EPHA8: variants seen among roughly 807,000 people sequenced by gnomAD.
EPHA8 encodes EPH receptor A8, also known as ephrin type-A receptor 8.
Under a neutral mutation model 103.6 loss-of-function variants are expected in EPHA8, and 58 were observed. The observed-to-expected ratio is 0.56, with a 90% CI of 0.45 to 0.70. EPHA8 has a LOEUF of 0.70. Among genes scored for constraint, EPHA8 ranks in the 30% least tolerant of loss-of-function variants. The pLI is 0.00. For synonymous variants in EPHA8, 559 were observed against 572.5 expected, an observed-to-expected ratio of 0.98 and a Z score of 0.34; for missense variants, 1,304 against 1,395.2, an observed-to-expected ratio of 0.93 and a Z score of 1.04.
chr1:22,601,520 G>A (rs748811403), intron 16 of EPHA8, 47 bp downstream of exon 16: 4 of 1,604,084 alleles, frequency 2.5e-6, no homozygotes, highest in South Asian at 1.1e-5. Context: ...GGGGCAGGGG[G>A]GGGGACCCCT....
At chr1:22,600,851 T>C in intron 14 of EPHA8, 41 bp downstream of exon 14, 3 of 1,588,924 alleles carry the variant, frequency 1.9e-6, no homozygotes, top group East Asian at 2.2e-5. Context: ...CGGTGGAGCC[T>C]CAGGGTGCAG....
chr1:22,579,209 A>ATG (rs56364320), intron 3 of EPHA8, among the ~76,000 whole-genome samples: 12,528 of 146,928 alleles, frequency 0.085, 543 homozygotes, highest in South Asian at 0.19. Context: ...ACCTGTGTGC[A>ATG]TGTGTGTGTA....
Position 22,597,174 on chromosome 1 carries a change from T to C in EPHA8, c.1766-138T>C. 1 of 637,210 alleles carries C rather than the reference T, an allele frequency of 1.6e-6. No individual in the cohort carries two copies. Among genetic ancestry groups the C allele is most frequent in the Non-Finnish European group, 2.5e-6 (1 of 393,276 alleles). 39.5% of individuals were successfully genotyped at this position (637,210 alleles called of 1,614,324 possible). ...TTTCACTTGGGAAATACTTATGGGG[T>C]GCGTGTTGTTTGCTACCACATCCAG... On this transcript the variant is annotated intron_variant, in intron 9 of 16. Transcript: ENST00000166244. The surrounding 1 kb of genome is among the most constrained non-coding windows in gnomAD (Gnocchi z 4.6).
intron 1 of EPHA8, among the ~76,000 whole-genome samples, chr1:22,566,992 C>T (rs1402285775): frequency 1.3e-5 from 2 of 152,126 alleles, no homozygotes; most frequent in Admixed American, 1.3e-4. Flanking sequence ...TGACTTTTGA[C>T]TTATCTTTGG....
At chr1:22,585,027 C>CTGTGTGTGTGTGTGTGTGTGTGTGTGTG (rs772415643) in intron 3 of EPHA8, among the ~76,000 whole-genome samples, 2 of 147,576 alleles carry the variant, frequency 1.4e-5, no homozygotes, top group Admixed American at 1.4e-4. Context: ...GGTCGTTTCT[C>CTGTGTGTGTGTGTGTGTGTGTGTGTGTG]TGTGTGTGTG....
intron 4 of EPHA8, among the ~76,000 whole-genome samples, chr1:22,588,266 A>G (rs620809): frequency 0.44 from 65,655 of 150,428 alleles, 15,646 homozygotes; most frequent in African/African-American, 0.65. Context: ...AGCCCCTCAG[A>G]CCCCCAGCCC....
intron 4 of EPHA8, among the ~76,000 whole-genome samples, chr1:22,587,993 G>A (rs532437303): frequency 3.3e-5 from 5 of 152,316 alleles, no homozygotes; most frequent in Non-Finnish European, 7.3e-5. Flanking sequence ...AAGCTGGCTG[G>A]ACTCTGGTTT....
chr1:22,582,844 C>T (rs1023500241), intron 3 of EPHA8, among the ~76,000 whole-genome samples: 6 of 152,240 alleles, frequency 3.9e-5, no homozygotes, highest in African/African-American at 1.2e-4. Flanking sequence ...GCTGTCCTTC[C>T]TGTCACCTGG....
In EPHA8 at chr1:22,593,689, G is replaced by A. The variant is rs1641439554; in HGVS notation, c.1603+3G>A. 6.3e-7 allele frequency: 1 copy of A among 1,584,228 alleles called. No individual in the cohort carries two copies. The highest frequency in any genetic ancestry group is 2.3e-5 in the East Asian group (1 of 43,728). On this transcript the variant is annotated splice_donor_region_variant and intron_variant, in intron 7 of 16. Coordinates refer to ENST00000166244, the MANE Select transcript of EPHA8 (RefSeq NM_020526.5). ...GGAGGTGGAGACCGGGAAACCCCGT[G>A]AGTGCAGGGAGGGGGCGTGGGCGCG...
Position 22,569,329 on chromosome 1 carries a change from C to A in EPHA8, c.135C>A (p.Gly45=), listed in dbSNP as rs201214107. ...LDTSTIHGDW[G]WLTYPAHGWD... ...CGTCGACCATCCACGGGGACTGGGG[C>A]TGGCTCACGTATCCGGCTCATGGGG... The change falls in exon 2 of 17, where the codon GGC becomes GGA. Residue 45 remains glycine (G), a synonymous_variant. Coordinates refer to ENST00000166244, the MANE Select transcript of EPHA8 (RefSeq NM_020526.5). The surrounding 1 kb of genome is among the most constrained non-coding windows in gnomAD (Gnocchi z 4.5). 4.4e-6 allele frequency: 7 copies of A among 1,605,556 alleles called. No homozygotes were observed. In the East Asian group the frequency reaches 6.7e-5, roughly 15 times the overall value.
intron 3 of EPHA8, among the ~76,000 whole-genome samples, chr1:22,580,278 A>G (rs1367122516): frequency 1.3e-5 from 2 of 151,580 alleles, no homozygotes; most frequent in Admixed American, 6.6e-5. Context: ...AGCTAGAATT[A>G]CAGGTGCCCG....
intron 3 of EPHA8, among the ~76,000 whole-genome samples, chr1:22,579,867 C>G (rs1366904859): frequency 1.3e-5 from 2 of 152,200 alleles, no homozygotes; most frequent in African/African-American, 2.4e-5. Flanking sequence ...TGCTACTATA[C>G]AGGCCCTGGG....
intron 5 of EPHA8, among the ~76,000 whole-genome samples, chr1:22,593,098 C>T (rs1557575778): frequency 6.6e-6 from 1 of 152,218 alleles, no homozygotes; most frequent in Admixed American, 6.5e-5. Context: ...CCAACCCCAA[C>T]ATCCCAGACC....
chr1:22,571,923 G>A (rs746037309), intron 2 of EPHA8, among the ~76,000 whole-genome samples: 3 of 152,158 alleles, frequency 2.0e-5, no homozygotes, highest in Admixed American at 1.3e-4. Flanking sequence ...TGTGGTCCCC[G>A]CTACTCAGGA....
At position 22,567,528 on chromosome 1, in the gene EPHA8, C is replaced by T. The variant is rs1463803600; in HGVS notation, c.95-1761C>T. Among the ~76,000 whole-genome samples the T allele has an allele frequency of 6.6e-6, 1 of 151,994 alleles. No homozygotes were observed. The highest frequency in any genetic ancestry group is 1.5e-5 in the Non-Finnish European group (1 of 67,978). On this transcript the variant is annotated intron_variant, in intron 1 of 16. Coordinates refer to ENST00000166244, the MANE Select transcript of EPHA8 (RefSeq NM_020526.5). This position sits in a 1 kb window ranked among gnomAD's most constrained non-coding sequence, Gnocchi z 4.2. ...CCTGATCCCAAGTGGCCCCTGGGGA[C>T]CCAGGGAGGAATGCAGGGAGGAGCG... is the stretch of plus-strand genomic sequence containing the variant.
Position 22,598,268 on chromosome 1 carries a change from G to T in EPHA8, c.2178+56G>T. On this transcript the variant is annotated intron_variant, in intron 12 of 16. Transcript: ENST00000166244. The surrounding 1 kb of genome is among the most constrained non-coding windows in gnomAD (Gnocchi z 5.1). ...GCTTGGGGAGGGAGGTCCAGTCTGG[G>T]TGCTGGGAGATAGTGCAAAGCCCTC... The T allele has an allele frequency of 1.9e-6, 3 of 1,572,156 alleles. No homozygotes were observed. The highest frequency in any genetic ancestry group is 1.7e-6 in the Non-Finnish European group (2 of 1,150,006).
chr1:22,576,537 T>G lies in EPHA8; in HGVS notation c.480T>G (p.Gly160=). 6.2e-7 allele frequency: 1 copy of G among 1,614,132 alleles called. No homozygotes were observed. The highest frequency in any genetic ancestry group is 8.5e-7 in the Non-Finnish European group (1 of 1,180,036). ...ADESFTGADL[G]VRRLKLNTEV... is the part of the protein sequence containing the mutation. Reference sequence around the variant, plus strand: ...AGAGCTTCACAGGTGCCGACCTTGGTGTGCGGCGTCTCAAGCTCAACACGG... The same window carrying G: ...AGAGCTTCACAGGTGCCGACCTTGGGGTGCGGCGTCTCAAGCTCAACACGG... Residue 160 remains glycine, a synonymous_variant, in exon 3 of 17, where the codon GGT becomes GGG. Coordinates refer to ENST00000166244, the MANE Select transcript of EPHA8 (RefSeq NM_020526.5). This position sits in a 1 kb window ranked among gnomAD's most constrained non-coding sequence, Gnocchi z 4.8.
In EPHA8 at chr1:22,576,687, T is replaced by C; in HGVS notation, c.630T>C (p.Asn210=). Residue 210 remains asparagine, a synonymous_variant, in exon 3 of 17, where the codon AAT becomes AAC. Transcript: ENST00000166244. The surrounding 1 kb of genome is among the most constrained non-coding windows in gnomAD (Gnocchi z 4.8). ...AGAAGTGCCCTGCCATGGTGCGCAATCTGGCTGCCTTCTCGGAGGCAGTGA... is the reference window on the plus strand; with the variant it reads ...AGAAGTGCCCTGCCATGGTGCGCAACCTGGCTGCCTTCTCGGAGGCAGTGA... The part of the protein sequence containing the change: ...YYKKCPAMVR[N]LAAFSEAVTG... 6.2e-7 allele frequency: 1 copy of C among 1,613,888 alleles called. No individual in the cohort carries two copies. The highest frequency in any genetic ancestry group is 8.5e-7 in the Non-Finnish European group (1 of 1,180,036).
chr1:22,571,048 GCCCTGGCTGGCTCCGGGGTGTCTTTAT>G (rs973854195), intron 2 of EPHA8, among the ~76,000 whole-genome samples: 16 of 152,208 alleles, frequency 1.1e-4, no homozygotes, highest in African/African-American at 2.9e-4. Flanking sequence ...GCACGCCTGG[GCCCTGGCTGGCTCCGGGGTGTCTTTAT>G]CCCACTCAGA....
Sources: allele counts gnomAD v4.1 joint callset (sites outside exome capture counted in the v4.1 genomes callset), GRCh38; gene constraint gnomAD v4.1.1; non-coding constraint Gnocchi (gnomAD v3.1); transcripts MANE v1.5; gene names NCBI Gene and HGNC (gene_info 2026-07-23, HGNC 2026-07-21).